FAM178B: variants seen among roughly 807,000 people sequenced by gnomAD.
The protein encoded by FAM178B is protein FAM178B.
Under a neutral mutation model 91.7 loss-of-function variants are expected in FAM178B, and 82 were observed. That is an observed-to-expected ratio of 0.89 (90% CI 0.75 to 1.07). The LOEUF is 1.07. Among genes scored for constraint, FAM178B ranks in the 50% least tolerant of loss-of-function variants. The probability of loss-of-function intolerance (pLI) is 0.00; values close to 1 mark genes in which losing one functional copy is unlikely to be tolerated. For synonymous variants in FAM178B, 368 were observed against 359.4 expected, an observed-to-expected ratio of 1.02 and a Z score of -0.27; for missense variants, 769 against 846.7, an observed-to-expected ratio of 0.91 and a Z score of 1.14.
chr2:96,879,925 T>TGCCTTTGCGACTCTGTCCA (rs1193700262), intron 14 of FAM178B, among the ~76,000 whole-genome samples: 5 of 152,234 alleles, frequency 3.3e-5, no homozygotes, highest in African/African-American at 1.2e-4. Context: ...AACCTGGCCT[T>TGCCTTTGCGACTCTGTCCA]GCCTTTGCGA....
chr2:96,967,196 G>C (rs570223050), intron 5 of FAM178B, among the ~76,000 whole-genome samples: 6 of 150,426 alleles, frequency 4.0e-5, no homozygotes, highest in African/African-American at 1.5e-4. Context: ...CTTGAAAGCA[G>C]ATTTCATTTA....
chr2:96,973,526 C>T (rs967992949), intron 1 of FAM178B, among the ~76,000 whole-genome samples: 2 of 152,142 alleles, frequency 1.3e-5, no homozygotes, highest in Admixed American at 1.3e-4. Context: ...ACAGACATCT[C>T]CCATTGGATC....
chr2:96,909,382 G>A (rs1161148321), intron 12 of FAM178B, among the ~76,000 whole-genome samples: 1 of 152,108 alleles, frequency 6.6e-6, no homozygotes, highest in Non-Finnish European at 1.5e-5. Context: ...AAAGCTTCTG[G>A]ATCCTGTCCT....
At chr2:96,970,467 A>G (rs2082202216) in intron 4 of FAM178B, among the ~76,000 whole-genome samples, 1 of 152,208 alleles carries the variant, frequency 6.6e-6, no homozygotes, top group African/African-American at 2.4e-5. Flanking sequence ...GGAGTTGGGC[A>G]GAATGGAGCC....
chr2:96,928,669 G>C (rs976336886), intron 9 of FAM178B, among the ~76,000 whole-genome samples: 4 of 152,278 alleles, frequency 2.6e-5, no homozygotes, highest in Admixed American at 2.6e-4. Context: ...TGGGGGCAGC[G>C]GGGGCTGAGT....
chr2:96,898,178 G>A, intron 13 of FAM178B: 1 of 941,732 alleles, frequency 1.1e-6, no homozygotes, highest in Non-Finnish European at 1.3e-6. Flanking sequence ...TCCAGCACTT[G>A]TGCACTGATG....
chr2:96,946,070 C>A (rs2081822593), intron 8 of FAM178B, among the ~76,000 whole-genome samples: 1 of 152,264 alleles, frequency 6.6e-6, no homozygotes, highest in Middle Eastern at 3.4e-3. Flanking sequence ...ACCCTGGGTA[C>A]CTCATATACA....
At chr2:96,910,005 G>T (rs192995080) in intron 12 of FAM178B, among the ~76,000 whole-genome samples, 1 of 152,258 alleles carries the variant, frequency 6.6e-6, no homozygotes, top group East Asian at 1.9e-4. Context: ...ATTCCTTCAT[G>T]CCGAACCCAG....
chr2:96,901,261 C>T (rs556765610), intron 13 of FAM178B, among the ~76,000 whole-genome samples: 2 of 151,858 alleles, frequency 1.3e-5, no homozygotes, highest in South Asian at 4.2e-4. Context: ...CAACCTCCGC[C>T]TCCCAGGTTC....
Position 96,879,224 on chromosome 2 carries a change from G to A in FAM178B, c.1777-731C>T, listed in dbSNP as rs893595064. 2.6e-5 allele frequency among the ~76,000 whole-genome samples: 4 copies of A among 152,188 alleles called. No individual in the cohort carries two copies. In the South Asian group the frequency reaches 6.2e-4, roughly 24 times the overall value. On this transcript the variant is annotated intron_variant, in intron 14 of 16. Transcript: ENST00000490605. ...ATTCCCAACTGCTGCCCGCAGGTGC[G>A]CCCCTCCACTCAGAGGGCCCTGCTG...
rs1242359235 is a variant in FAM178B, at chr2:96,921,184, C to G, written c.1543G>C (p.Asp515His). 6.4e-7 allele frequency: 1 copy of G among 1,551,358 alleles called. No individual in the cohort carries two copies. The highest frequency in any genetic ancestry group is 2.0e-5 in the Admixed American group (1 of 50,964). ...NLLALVQFFP[D>H]MTSRSRRLRS... ...ACGCACCTGCTCCGGGAGGTCATGTCTGGGAAGAACTGCACGAGGGCCAGC... is the reference window on the plus strand; with the variant it reads ...ACGCACCTGCTCCGGGAGGTCATGTGTGGGAAGAACTGCACGAGGGCCAGC... The change falls in exon 12 of 17, where the codon GAC (aspartate) becomes CAC (histidine). Residue 515 changes from aspartate to histidine, a missense_variant. By Grantham distance (81) the Asp-to-His change is moderately conservative. Transcript: ENST00000490605.
intron 3 of FAM178B, among the ~76,000 whole-genome samples, chr2:96,971,475 T>C (rs1222187847): frequency 6.6e-6 from 1 of 152,074 alleles, no homozygotes; most frequent in Non-Finnish European, 1.5e-5. Context: ...TACTCCCAAT[T>C]TGAAGTTCAT....
At chr2:96,973,110 A>G (rs2082245512) in intron 1 of FAM178B, among the ~76,000 whole-genome samples, 1 of 150,546 alleles carries the variant, frequency 6.6e-6, no homozygotes, top group African/African-American at 2.4e-5. Context: ...CGGGAGGCTG[A>G]GGCAGGAGAA....
chr2:96,889,907 G>A (rs1452849863), intron 14 of FAM178B, among the ~76,000 whole-genome samples: 1 of 151,666 alleles, frequency 6.6e-6, no homozygotes, highest in Non-Finnish European at 1.5e-5. Flanking sequence ...GGGAGGCTGA[G>A]GTGGGAGGAC....
At chr2:96,947,494 G>A (rs762816204) in intron 8 of FAM178B, among the ~76,000 whole-genome samples, 1 of 152,192 alleles carries the variant, frequency 6.6e-6, no homozygotes, top group African/African-American at 2.4e-5. Context: ...GGACTTGGGG[G>A]TGAGCTGTCC....
intron 4 of FAM178B, among the ~76,000 whole-genome samples, chr2:96,970,179 C>T (rs765929799): frequency 6.6e-5 from 10 of 152,144 alleles, no homozygotes; most frequent in East Asian, 1.9e-4. Flanking sequence ...TTGCCTTCAG[C>T]GGTCCGTGGA....
At chr2:96,896,890 A>G (rs1199627436) in intron 13 of FAM178B, among the ~76,000 whole-genome samples, 1 of 152,124 alleles carries the variant, frequency 6.6e-6, no homozygotes, top group Non-Finnish European at 1.5e-5. Flanking sequence ...CTATCTAAAC[A>G]GAATCTTGCT....
chr2:96,939,523 A>C (rs923522741), intron 8 of FAM178B, among the ~76,000 whole-genome samples: 27 of 152,180 alleles, frequency 1.8e-4, no homozygotes, highest in Non-Finnish European at 3.8e-4. Context: ...ACAAATGAAC[A>C]AACAAAAAAA....
chr2:96,890,073 C>T (rs1263338449), intron 14 of FAM178B, among the ~76,000 whole-genome samples: 1 of 151,702 alleles, frequency 6.6e-6, no homozygotes, highest in East Asian at 1.9e-4. Flanking sequence ...GTCATGAGTT[C>T]GAGACCAGCC....
Sources: gnomAD v4.1 joint callset for allele counts (sites outside exome capture counted in the v4.1 genomes callset) on GRCh38, gnomAD v4.1.1 for gene constraint, MANE v1.5 for transcripts, NCBI Gene and HGNC (gene_info 2026-07-23, HGNC 2026-07-21) for gene names.